The following DLC1 variants were observed in gnomAD, a reference collection of about 807,000 sequenced individuals.
The protein encoded by DLC1 is DLC1 Rho GTPase activating protein, also known as rho GTPase-activating protein 7.
In DLC1, 54 loss-of-function variants were observed where a neutral mutation model predicts 140.3. The ratio of observed to expected loss-of-function variants is 0.38; its 90% CI spans 0.31 to 0.48. The LOEUF (loss-of-function observed/expected upper bound fraction) is 0.48, where lower values mean the gene tolerates loss of function less well. Ranked by LOEUF, DLC1 falls within the 20% of genes least tolerant of loss-of-function variation. The pLI is 0.96. For synonymous variants in DLC1, 986 were observed against 728.1 expected (o/e 1.35, Z -5.70); for missense variants, 2,536 against 1,907.0 (o/e 1.33, Z -6.14).
Position 13,084,889 on chromosome 8 carries a change from G to A in DLC1, c.*922C>T, listed in dbSNP as rs572585142. On this transcript the variant is annotated 3_prime_UTR_variant, in exon 18 of 18. Coordinates refer to ENST00000276297, the MANE Select transcript of DLC1 (RefSeq NM_182643.3). Reference sequence around the variant, plus strand: ...CAAAGAATTCTAACAGGGAAAAAGTGTTGATGCTTGATTTAAGAGTAAGTG... The same window carrying A: ...CAAAGAATTCTAACAGGGAAAAAGTATTGATGCTTGATTTAAGAGTAAGTG... 6.6e-6 allele frequency: 1 copy of A among 152,304 alleles called. No individual in the cohort carries two copies. The highest frequency in any genetic ancestry group is 1.5e-5 in the Non-Finnish European group (1 of 68,030). The allele number at this position is 152,304 out of a possible 1,614,324, so 9.4% of individuals were successfully genotyped here. A position where few individuals can be genotyped will look rare whatever the true frequency, so the allele number is the denominator to read the frequency against.
At chr8:13,436,457 C>T (rs900831824) in intron 2 of DLC1, among the ~76,000 whole-genome samples, 26 of 152,166 alleles carry the variant, frequency 1.7e-4, no homozygotes, top group African/African-American at 6.3e-4. Flanking sequence ...AAGGACTGAC[C>T]CGTTTTCAAT....
intron 5 of DLC1, among the ~76,000 whole-genome samples, chr8:13,145,166 T>C (rs1823323681): frequency 6.6e-6 from 1 of 152,110 alleles, no homozygotes; most frequent in Admixed American, 6.5e-5. Context: ...TTTAAACTTA[T>C]GAGAGATAGC....
chr8:13,453,516 ATATATATATATG>A (rs1338853887), intron 2 of DLC1, among the ~76,000 whole-genome samples: 2 of 24,120 alleles, frequency 8.3e-5, no homozygotes, highest in African/African-American at 3.3e-4. Flanking sequence ...ATATATATAC[ATATATATATATG>A]TATATATATA....
intron 4 of DLC1, among the ~76,000 whole-genome samples, chr8:13,345,091 T>C (rs1291308884): frequency 6.6e-6 from 1 of 152,138 alleles, no homozygotes; most frequent in African/African-American, 2.4e-5. Flanking sequence ...CACACATACT[T>C]ATTTTGCAGA....
chr8:13,283,159 A>G (rs1831423107), intron 5 of DLC1, among the ~76,000 whole-genome samples: 1 of 152,190 alleles, frequency 6.6e-6, no homozygotes, highest in South Asian at 2.1e-4. Flanking sequence ...TGTTGATTAT[A>G]CTTTTTTGAC....
At chr8:13,589,906 A>G (rs1805460149) in intron 1 of DLC1, among the ~76,000 whole-genome samples, 1 of 151,912 alleles carries the variant, frequency 6.6e-6, no homozygotes, top group Non-Finnish European at 1.5e-5. Flanking sequence ...AAAGGCAAAG[A>G]AACTGCACCA....
chr8:13,599,839 A>C lies in DLC1; in HGVS notation c.-126+4698T>G, dbSNP rs184002902. Among the ~76,000 whole-genome samples, 647 of 152,080 alleles carry C rather than the reference A, an allele frequency of 4.3e-3. 3 individuals are homozygous for C. Among genetic ancestry groups the C allele is most frequent in the Non-Finnish European group, 7.1e-3 (483 of 67,910 alleles). On this transcript the variant is annotated intron_variant, in intron 1 of 1. Coordinates refer to the DLC1 transcript ENST00000631382. ...AATTCTTAAGAAAGAAAAAACATAA[A>C]AATTTTTATATGATAACTAACTAAA...
chr8:13,312,285 C>T (rs1279215887), intron 4 of DLC1, among the ~76,000 whole-genome samples: 3 of 115,968 alleles, frequency 2.6e-5, no homozygotes, highest in Non-Finnish European at 3.4e-5. Flanking sequence ...GGCGTGAACC[C>T]GGGAGGCGGA....
rs149776829 is a variant in DLC1, at chr8:13,499,350, G to T, written c.722C>A (p.Pro241His). ...IAQQRRKPDP[P>H]KDENERSTCN... Reference sequence around the variant, plus strand: ...GGTGCTTCTTTCATTTTCATCTTTAGGGGGGTCAGGTTTCCTTCGTTGCTG... The same window carrying T: ...GGTGCTTCTTTCATTTTCATCTTTATGGGGGTCAGGTTTCCTTCGTTGCTG... The change falls in exon 2 of 18, where the codon CCT (proline) becomes CAT (histidine). Residue 241 changes from proline (P) to histidine (H), a missense_variant. Transcript: ENST00000276297. The T allele has an allele frequency of 5.0e-6, 8 of 1,612,942 alleles. No individual in the cohort carries two copies. In the African/African-American group the frequency reaches 1.1e-4, roughly 22 times the overall value.
chr8:13,511,173 T>C (rs140596151), intron 1 of DLC1, among the ~76,000 whole-genome samples: 1 of 152,238 alleles, frequency 6.6e-6, no homozygotes, highest in Non-Finnish European at 1.5e-5. Flanking sequence ...GCTGATTTTC[T>C]CTTTGAATTA....
intron 1 of DLC1, among the ~76,000 whole-genome samples, chr8:13,506,581 G>GTATATATATATATATATATA (rs36209609): frequency 7.6e-6 from 1 of 131,140 alleles, no homozygotes; most frequent in Non-Finnish European, 1.5e-5. Context: ...GTGTGTGTGT[G>GTATATATATATATATATATA]TATATATATA....
intron 2 of DLC1, among the ~76,000 whole-genome samples, chr8:13,488,655 T>A (rs897957855): frequency 2.0e-5 from 3 of 152,204 alleles, no homozygotes; most frequent in African/African-American, 4.8e-5. Context: ...AAAGGGATCC[T>A]CCCTTAGCCC....
intron 4 of DLC1, among the ~76,000 whole-genome samples, chr8:13,390,250 CAAAA>C: frequency 6.6e-6 from 1 of 152,050 alleles, no homozygotes; most frequent in Admixed American, 6.5e-5. Flanking sequence ...TGATTCCCCT[CAAAA>C]CAAAAGTGTA....
intron 1 of DLC1, among the ~76,000 whole-genome samples, chr8:13,502,482 A>T (rs1238035585): frequency 1.3e-5 from 2 of 152,190 alleles, no homozygotes; most frequent in Non-Finnish European, 2.9e-5. Context: ...AAGCTCTCCT[A>T]TCCAGTTTCT....
intron 5 of DLC1, among the ~76,000 whole-genome samples, chr8:13,273,715 T>TGTGTGTGTGTGTGG (rs1831044498): frequency 7.7e-6 from 1 of 130,322 alleles, no homozygotes; most frequent in African/African-American, 3.0e-5. Context: ...TGTGTGTGTG[T>TGTGTGTGTGTGTGG]GTGTGTGTGT....
At chr8:13,425,974 G>A (rs1341290957) in intron 2 of DLC1, among the ~76,000 whole-genome samples, 1 of 152,132 alleles carries the variant, frequency 6.6e-6, no homozygotes, top group South Asian at 2.1e-4. Flanking sequence ...CACCACATCT[G>A]GCTAGTCTTT....
intron 2 of DLC1, among the ~76,000 whole-genome samples, chr8:13,407,490 A>G (rs1837619419): frequency 6.6e-6 from 1 of 152,360 alleles, no homozygotes; most frequent in East Asian, 1.9e-4. Flanking sequence ...TATAAAGTCC[A>G]GAAAAGAGTG....
At chr8:13,247,870 T>C (rs977880155) in intron 5 of DLC1, among the ~76,000 whole-genome samples, 6 of 152,232 alleles carry the variant, frequency 3.9e-5, no homozygotes, top group African/African-American at 1.4e-4. Context: ...CCCATAGTGC[T>C]ATCCATAACC....
At position 13,099,349 on chromosome 8, in the gene DLC1, G is replaced by T; in HGVS notation, c.2988C>A (p.Asn996Lys). ...GGAGGCAGGAGAAAAGTTCTTACCT[G>T]TTGGACCTGGTTAGGGAAGCCCCAA... ...SGVGASLTRS[N>K]RHRLRWHSFQ... Residue 996 changes from asparagine to lysine, a missense_variant and splice_region_variant, in exon 9 of 18, where the codon AAC becomes AAA. Asn to Lys is a moderately conservative substitution (Grantham distance 94, BLOSUM62 0). Coordinates refer to ENST00000276297, the MANE Select transcript of DLC1 (RefSeq NM_182643.3). 1 of 1,612,746 alleles carries T rather than the reference G, an allele frequency of 6.2e-7. No homozygotes were observed. The highest frequency in any genetic ancestry group is 1.1e-5 in the South Asian group (1 of 90,896).
Sources: gnomAD v4.1 joint callset for allele counts (sites outside exome capture counted in the v4.1 genomes callset) on GRCh38, gnomAD v4.1.1 for gene constraint, MANE v1.5 for transcripts, NCBI Gene and HGNC (gene_info 2026-07-23, HGNC 2026-07-21) for gene names.